LAMB4: variants seen among roughly 807,000 people sequenced by gnomAD.
The protein encoded by LAMB4 is laminin subunit beta-4.
A neutral mutation model predicts 199.2 loss-of-function variants in LAMB4; 196 were observed. The ratio of observed to expected loss-of-function variants is 0.98; its 90% CI spans 0.88 to 1.11. LAMB4 has a LOEUF of 1.11. LAMB4 is among the 50% of genes least tolerant of loss of function. The pLI, the probability that LAMB4 is intolerant of heterozygous loss-of-function variation, is 0.00. For synonymous variants in LAMB4, 744 were observed against 770.6 expected, an observed-to-expected ratio of 0.97 and a Z score of 0.57; for missense variants, 2,080 against 2,171.2, an observed-to-expected ratio of 0.96 and a Z score of 0.83.
At chr7:108,083,084 A>G (rs910236227) in intron 14 of LAMB4, among the ~76,000 whole-genome samples, 1 of 152,240 alleles carries the variant, frequency 6.6e-6, no homozygotes, top group African/African-American at 2.4e-5. Context: ...GGAAAAAGGA[A>G]CATCGTCAAT....
chr7:108,068,135 G>A lies in LAMB4; in HGVS notation c.2327C>T (p.Ser776Leu). ...AAGTCGGCTGCAGCTGGATCCGACT[G>A]AGCCCTGGGGGTGACACTTGCAGGC... ...AVACKCHPQG[S>L]VGSSCSRLGG... is the part of the protein sequence containing the mutation. The change falls in exon 19 of 34, where the codon TCA becomes TTA. Residue 776 changes from serine (S) to leucine (L), a missense_variant. Transcript: ENST00000388781. The A allele has an allele frequency of 6.2e-7, 1 of 1,614,154 alleles. No homozygotes were observed. Among genetic ancestry groups the A allele is most frequent in the Non-Finnish European group, 8.5e-7 (1 of 1,180,032 alleles).
chr7:108,043,606 GTC>G (rs2035510002), intron 29 of LAMB4, 144 bp downstream of exon 29: 1 of 61,990 alleles, frequency 1.6e-5, no homozygotes, highest in Non-Finnish European at 2.4e-5. Flanking sequence ...TTGAGACGGA[GTC>G]TCGCTCTGTC....
chr7:108,055,660 T>C lies in LAMB4; in HGVS notation c.3727A>G (p.Lys1243Glu), dbSNP rs1455929895. 4 of 1,613,798 alleles carry C rather than the reference T, an allele frequency of 2.5e-6. No individual in the cohort carries two copies. Among genetic ancestry groups the C allele is most frequent in the Non-Finnish European group, 3.4e-6 (4 of 1,179,988 alleles). ...ACAGAGTCATGATAATCCTTGACTTTTAAGAATTTCCCAGATGGGAAAACA... is the reference window on the plus strand; with the variant it reads ...ACAGAGTCATGATAATCCTTGACTTCTAAGAATTTCCCAGATGGGAAAACA... ...HPVFPSGKFL[K>E]VKDYHDSVRR... The change falls in exon 25 of 34, where the codon AAA becomes GAA. Residue 1243 changes from lysine (K) to glutamate (E), a missense_variant. Physicochemically the swap from Lys to Glu is moderately conservative, Grantham distance 56 (BLOSUM62 1). Coordinates refer to ENST00000388781, the MANE Select transcript of LAMB4 (RefSeq NM_007356.3).
At chr7:108,014,627 A>G in the LAMB4 span, among the ~76,000 whole-genome samples, 1 of 152,180 alleles carries the variant, frequency 6.6e-6, no homozygotes, top group Non-Finnish European at 1.5e-5. Flanking sequence ...TGATTGCCGT[A>G]TAGGAATGTA....
At chr7:108,072,473 T>C (rs1365979437) in intron 17 of LAMB4, among the ~76,000 whole-genome samples, 1 of 152,186 alleles carries the variant, frequency 6.6e-6, no homozygotes, top group Non-Finnish European at 1.5e-5. Context: ...ATGAATTTCA[T>C]TTCAGGATGG....
chr7:108,046,313 A>G (rs1406425743), intron 28 of LAMB4, among the ~76,000 whole-genome samples: 1 of 148,662 alleles, frequency 6.7e-6, no homozygotes. Context: ...CTGGTCTCGA[A>G]CTCCTGACTT....
At chr7:108,129,684 T>C (rs1165801106) in intron 1 of LAMB4, among the ~76,000 whole-genome samples, 1 of 152,068 alleles carries the variant, frequency 6.6e-6, no homozygotes, top group Non-Finnish European at 1.5e-5. Flanking sequence ...ATTACAGGCA[T>C]GTGCCACTAC....
rs545932500 is a variant in LAMB4 at position 108,030,687 on chromosome 7, G to T, written c.4992+119C>A. ...AGGATCCCCTCAAAGATATACCATT[G>T]AGTCATGGACCAGCACAAAGGAAAT... On this transcript the variant is annotated intron_variant, in intron 32 of 33. Coordinates refer to ENST00000388781, the MANE Select transcript of LAMB4 (RefSeq NM_007356.3). 4.4e-6 allele frequency: 4 copies of T among 911,812 alleles called. No homozygotes were observed. The South Asian group carries it at 6.4e-5, about 15-fold the overall frequency. The allele number at this position is 911,812 out of a possible 1,614,324, so 56.5% of individuals were successfully genotyped here. A position where few individuals can be genotyped will look rare whatever the true frequency, so the allele number is the denominator to read the frequency against.
rs769692500 is a variant in LAMB4, at chr7:108,103,107, G to T, written c.1117C>A (p.Arg373Ser). ...TCCCTGTAGAAGAGGGGTCTGCAGC[G>T]GTCGCAGTGCTGCCCCTCAGTGTTG... is the stretch of plus-strand genomic sequence containing the variant. Reference protein sequence around the residue: ...QHNTEGQHCDRCRPLFYRDPL... With the variant: ...QHNTEGQHCDSCRPLFYRDPL... The change falls in exon 10 of 34, where the codon CGC becomes AGC. Residue 373 changes from arginine to serine, a missense_variant. Transcript: ENST00000388781. 4 of 1,613,700 alleles carry T rather than the reference G, an allele frequency of 2.5e-6. No individual in the cohort carries two copies. The highest frequency in any genetic ancestry group is 1.1e-5 in the South Asian group (1 of 91,012).
chr7:108,029,190 C>G lies in LAMB4; in HGVS notation c.4999G>C (p.Val1667Leu). The change falls in exon 33 of 34, where the codon GTT becomes CTT. Residue 1667 changes from valine (V) to leucine (L), a missense_variant. By Grantham distance (32) the Val-to-Leu change is conservative (BLOSUM62 1). Transcript: ENST00000388781. ...HQAGSLEKEF[V>L]ELKKQYAILQ... Reference sequence around the variant, plus strand: ...ATAGCATATTGTTTTTTCAGCTCAACAAATTCCTGTAACAAGCAACACTTG... The same window carrying G: ...ATAGCATATTGTTTTTTCAGCTCAAGAAATTCCTGTAACAAGCAACACTTG... 1 of 1,611,470 alleles carries G rather than the reference C, an allele frequency of 6.2e-7. No individual in the cohort carries two copies. The highest frequency in any genetic ancestry group is 8.5e-7 in the Non-Finnish European group (1 of 1,179,242).
intron 28 of LAMB4, among the ~76,000 whole-genome samples, chr7:108,044,955 C>CAAAAAAAAAAAAAAAAAAAAA (rs756256335): frequency 1.8e-5 from 1 of 56,560 alleles, no homozygotes; most frequent in African/African-American, 7.7e-5. Flanking sequence ...ATTCTTGTCT[C>CAAAAAAAAAAAAAAAAAAAAA]AAAAAAAAAA....
At chr7:108,040,876 C>A (rs2035399551) in intron 29 of LAMB4, among the ~76,000 whole-genome samples, 1 of 152,136 alleles carries the variant, frequency 6.6e-6, no homozygotes, top group Non-Finnish European at 1.5e-5. Flanking sequence ...AAAGACACCA[C>A]AAGCGACTAC....
intron 29 of LAMB4, among the ~76,000 whole-genome samples, chr7:108,042,937 C>CTGTG (rs754739499): frequency 0.069 from 9,618 of 140,280 alleles, 310 homozygotes; most frequent in Admixed American, 0.082. Context: ...CTCTCAATCT[C>CTGTG]TGTGTGTGTG....
intron 11 of LAMB4, 26 bp downstream of exon 11, chr7:108,098,376 TC>T (rs1425380214): frequency 2.1e-6 from 3 of 1,413,266 alleles, no homozygotes; most frequent in Admixed American, 2.4e-5. Flanking sequence ...TGATGGACAC[TC>T]CCCCGACCCC....
At chr7:108,114,165 G>GT (rs1183602607) in intron 3 of LAMB4, among the ~76,000 whole-genome samples, 1 of 152,182 alleles carries the variant, frequency 6.6e-6, no homozygotes, top group East Asian at 1.9e-4. Context: ...GCTCATGCCT[G>GT]TAATTCCAGC....
chr7:108,128,722 T>C (rs894437547), intron 1 of LAMB4, among the ~76,000 whole-genome samples: 1 of 152,254 alleles, frequency 6.6e-6, no homozygotes, highest in African/African-American at 2.4e-5. Context: ...GGTAACCCTG[T>C]GCATGCCTTC....
chr7:108,071,535 T>C (rs989943516), intron 17 of LAMB4, among the ~76,000 whole-genome samples: 5 of 152,222 alleles, frequency 3.3e-5, no homozygotes, highest in African/African-American at 9.6e-5. Context: ...GAACCCCACT[T>C]TCCTTTCTGT....
chr7:108,103,088 T>C lies in LAMB4; in HGVS notation c.1136A>G (p.Tyr379Cys), dbSNP rs1306299288. ...QHCDRCRPLF[Y>C]RDPLKTISDP... is the part of the protein sequence containing the mutation. ...TGAGATGGTCTTGAGCGGGTCCCTG[T>C]AGAAGAGGGGTCTGCAGCGGTCGCA... is the stretch of plus-strand genomic sequence containing the variant. The change falls in exon 10 of 34, where the codon TAC (tyrosine) becomes TGC (cysteine). Residue 379 changes from tyrosine to cysteine, a missense_variant. Coordinates refer to ENST00000388781, the MANE Select transcript of LAMB4 (RefSeq NM_007356.3). 3.7e-6 allele frequency: 6 copies of C among 1,612,380 alleles called. No homozygotes were observed. The highest frequency in any genetic ancestry group is 5.1e-6 in the Non-Finnish European group (6 of 1,178,754).
intron 17 of LAMB4, chr7:108,075,441 A>C (rs576102959): frequency 2.6e-5 from 4 of 152,304 alleles, no homozygotes; most frequent in Admixed American, 2.6e-4. Flanking sequence ...ATGATATATA[A>C]ACAAATGGGA....
Sources: gnomAD v4.1 joint callset for allele counts (sites outside exome capture counted in the v4.1 genomes callset) on GRCh38, gnomAD v4.1.1 for gene constraint, MANE v1.5 for transcripts, NCBI Gene and HGNC (gene_info 2026-07-23, HGNC 2026-07-21) for gene names.